Variants in MYL10 observed in about 807,000 individuals in gnomAD.
The protein encoded by MYL10 is myosin regulatory light chain 10.
A neutral mutation model predicts 21.9 loss-of-function variants in MYL10; 18 were observed. That is an observed-to-expected ratio of 0.82 (90% confidence interval 0.57 to 1.22). MYL10 has a LOEUF of 1.22. Ranked by LOEUF, MYL10 falls within the 50% of genes most tolerant of loss-of-function variation. The pLI is 0.00. For synonymous variants in MYL10, 88 were observed against 82.8 expected, an observed-to-expected ratio of 1.06 and a Z score of -0.34; for missense variants, 225 against 230.4, an observed-to-expected ratio of 0.98 and a Z score of 0.15.
intron 1 of MYL10, among the ~76,000 whole-genome samples, chr7:101,626,837 G>A (rs900545812): frequency 3.9e-5 from 6 of 152,144 alleles, no homozygotes; most frequent in South Asian, 2.1e-4. Flanking sequence ...GAGGAGTCCC[G>A]AGTGGGGCAG....
At chr7:101,618,196 G>A (rs1796632078) in intron 5 of MYL10, among the ~76,000 whole-genome samples, 1 of 152,370 alleles carries the variant, frequency 6.6e-6, no homozygotes, top group South Asian at 2.1e-4. Context: ...TCTGGGCAGG[G>A]TGGCAGGGAG....
Position 101,621,569 on chromosome 7 carries a change from A to T in MYL10, c.454+527T>A, listed in dbSNP as rs186660127. ...AGTGGGATGGGTGGGCAAAGGGGTT[A>T]AAGGCAGTGTTTAGTTTTTATGGTT... On this transcript the variant is annotated intron_variant, in intron 5 of 7. Coordinates refer to ENST00000223167, the MANE Select transcript of MYL10 (RefSeq NM_138403.5). 2.9e-3 allele frequency among the ~76,000 whole-genome samples: 425 copies of T among 148,360 alleles called. 3 individuals carry two copies. Among genetic ancestry groups the T allele is most frequent in the African/African-American group, 9.5e-3 (391 of 41,040 alleles).
At chr7:101,615,780 C>A (rs995103849) in intron 6 of MYL10, among the ~76,000 whole-genome samples, 1 of 150,020 alleles carries the variant, frequency 6.7e-6, no homozygotes, top group Non-Finnish European at 1.5e-5. Context: ...CTGCAACCTC[C>A]ACTTCCTGGG....
intron 5 of MYL10, among the ~76,000 whole-genome samples, chr7:101,618,632 T>G (rs1219536450): frequency 1.3e-5 from 2 of 152,192 alleles, no homozygotes; most frequent in African/African-American, 4.8e-5. Context: ...CCTCCCATCA[T>G]CGTTGGGAAT....
rs773527503 is a variant in MYL10, at chr7:101,622,206, G to A, written c.350-6C>T. On this transcript the variant is annotated splice_region_variant and splice_polypyrimidine_tract_variant and intron_variant, in intron 4 of 7. Transcript: ENST00000223167. ...GTTCTTGACATTGATGCGGCCTGTG[G>A]GAGGTGAGAGGTGGGGGCAGGGAGG... 5 of 1,608,610 alleles carry A rather than the reference G, an allele frequency of 3.1e-6. No individual in the cohort carries two copies. The highest frequency in any genetic ancestry group is 4.3e-6 in the Non-Finnish European group (5 of 1,176,022).
chr7:101,624,241 T>A lies in MYL10; in HGVS notation c.102A>T (p.Arg34Ser). Residue 34 changes from arginine (R) to serine (S), a missense_variant, in exon 2 of 8, where the codon AGA becomes AGT. Coordinates refer to ENST00000223167, the MANE Select transcript of MYL10 (RefSeq NM_138403.5). ...CGTTGGAGCTGGCGGTGCCTTCTGCTCTTTTCCGAGCTCTTCTCGGTGCCT... is the reference window on the plus strand; with the variant it reads ...CGTTGGAGCTGGCGGTGCCTTCTGCACTTTTCCGAGCTCTTCTCGGTGCCT... Reference protein sequence around the residue: ...GLQAPRRARKRAEGTASSNVF... With the variant: ...GLQAPRRARKSAEGTASSNVF... The A allele has an allele frequency of 6.2e-7, 1 of 1,613,400 alleles. No individual in the cohort carries two copies. The highest frequency in any genetic ancestry group is 8.5e-7 in the Non-Finnish European group (1 of 1,179,820).
intron 4 of MYL10, 31 bp downstream of exon 4, chr7:101,622,966 C>T: frequency 1.9e-6 from 3 of 1,609,296 alleles, no homozygotes; most frequent in East Asian, 2.2e-5. Context: ...CTGGCCTGGC[C>T]CTAATCTCCC....
At chr7:101,625,522 G>A (rs1796733302) in intron 1 of MYL10, among the ~76,000 whole-genome samples, 1 of 149,754 alleles carries the variant, frequency 6.7e-6, no homozygotes, top group African/African-American at 2.5e-5. Context: ...CTCATCCCCT[G>A]CTCCCCTCCC....
intron 2 of MYL10, 25 bp downstream of exon 2, chr7:101,624,147 C>G (rs768744990): frequency 4.8e-6 from 7 of 1,465,772 alleles, no homozygotes; most frequent in Non-Finnish European, 6.7e-6. Flanking sequence ...ATCCTCATAA[C>G]AGCCCCATGG....
chr7:101,617,598 C>G, intron 5 of MYL10, among the ~76,000 whole-genome samples: 1 of 152,204 alleles, frequency 6.6e-6, no homozygotes, highest in East Asian at 1.9e-4. Flanking sequence ...ATTTGTTCCT[C>G]CACCATCATA....
At chr7:101,619,216 C>G (rs1275543098) in intron 5 of MYL10, among the ~76,000 whole-genome samples, 2 of 152,246 alleles carry the variant, frequency 1.3e-5, no homozygotes, top group Non-Finnish European at 2.9e-5. Context: ...TCACACATGT[C>G]TTTTCCACAG....
chr7:101,623,141 C>T (rs890018151), intron 3 of MYL10, 69 bp from the exon 4 acceptor site: 1 of 1,461,126 alleles, frequency 6.8e-7, no homozygotes, highest in African/African-American at 1.4e-5. Context: ...CAGGGACCGT[C>T]CTCCTGCCGA....
chr7:101,627,137 CAA>C (rs757508495), intron 1 of MYL10, among the ~76,000 whole-genome samples: 3 of 133,958 alleles, frequency 2.2e-5, no homozygotes, highest in African/African-American at 5.5e-5. Context: ...ACCAAAAATA[CAA>C]AAAAAAAAAA....
intron 1 of MYL10, among the ~76,000 whole-genome samples, chr7:101,627,735 A>G (rs961997637): frequency 6.6e-6 from 1 of 152,188 alleles, no homozygotes; most frequent in African/African-American, 2.4e-5. Flanking sequence ...CCCTGGGCCA[A>G]CTGTTTTCTC....
rs373940709 is a variant in MYL10 at position 101,623,033 on chromosome 7, C to G, written c.313G>C (p.Asp105His). ...IMDQNRDGFI[D>H]KEDLRDTFAA... ...AAGGTGTCCCTCAAGTCCTCTTTGT[C>G]GATGAAGCCATCACGGTTCTGGTCC... Residue 105 changes from aspartate (D) to histidine (H), a missense_variant, in exon 4 of 8, where the codon GAC (aspartate) becomes CAC (histidine). By Grantham distance (81) the Asp-to-His change is moderately conservative. Coordinates refer to ENST00000223167, the MANE Select transcript of MYL10 (RefSeq NM_138403.5). 7.4e-6 allele frequency: 12 copies of G among 1,613,940 alleles called. No homozygotes were observed. The African/African-American group carries it at 1.5e-4, about 20-fold the overall frequency.
At chr7:101,618,712 G>A (rs548390008) in intron 5 of MYL10, among the ~76,000 whole-genome samples, 4 of 152,036 alleles carry the variant, frequency 2.6e-5, no homozygotes, top group South Asian at 4.2e-4. Flanking sequence ...CTGCCCTCCC[G>A]GCTCCTGTCC....
At chr7:101,615,144 C>G (rs1408871210) in intron 6 of MYL10, among the ~76,000 whole-genome samples, 1 of 152,200 alleles carries the variant, frequency 6.6e-6, no homozygotes, top group East Asian at 1.9e-4. Flanking sequence ...GCCACTTCCC[C>G]TTCATGCATT....
intron 5 of MYL10, among the ~76,000 whole-genome samples, chr7:101,621,190 C>T (rs1291299002): frequency 2.0e-5 from 3 of 152,094 alleles, no homozygotes; most frequent in South Asian, 4.2e-4. Flanking sequence ...TGGCTCCAAC[C>T]CTCCACCCCA....
chr7:101,613,684 G>A lies in MYL10; in HGVS notation c.560C>T (p.Ala187Val), dbSNP rs1196943391. Reference sequence around the variant, plus strand: ...TACCTCCTCCTCACTGAAGCGGTCTGCCTGGGTCATAAGTTTTTCTTTGAT... The same window carrying A: ...TACCTCCTCCTCACTGAAGCGGTCTACCTGGGTCATAAGTTTTTCTTTGAT... ...DVIKEKLMTQADRFSEEEVKQ... is the reference protein window; with the variant it reads ...DVIKEKLMTQVDRFSEEEVKQ... The change falls in exon 7 of 8, where the codon GCA becomes GTA. Residue 187 changes from alanine (A) to valine (V), a missense_variant. Physicochemically the swap from Ala to Val is moderately conservative, Grantham distance 64. Transcript: ENST00000223167. The A allele has an allele frequency of 9.9e-6, 16 of 1,614,148 alleles. No homozygotes were observed. The highest frequency in any genetic ancestry group is 1.4e-5 in the Non-Finnish European group (16 of 1,180,014).
Sources: gnomAD v4.1 joint callset for allele counts (sites outside exome capture counted in the v4.1 genomes callset) on GRCh38, gnomAD v4.1.1 for gene constraint, MANE v1.5 for transcripts, NCBI Gene and HGNC (gene_info 2026-07-23, HGNC 2026-07-21) for gene names.